The following AFF2 variants were observed in gnomAD, a reference collection of about 807,000 sequenced individuals.
The protein encoded by AFF2 is ALF transcription elongation factor 2.
Under a neutral mutation model 76.9 loss-of-function variants are expected in AFF2, and 14 were observed. That is an observed-to-expected ratio of 0.18 (90% CI 0.12 to 0.28). The LOEUF is 0.28. AFF2 is among the 10% of genes least tolerant of loss of function. AFF2 has a pLI of 1.00. For missense variants in AFF2, 868 were observed against 1,001.1 expected (o/e 0.87, Z 1.79); for synonymous variants, 398 against 366.7 (o/e 1.09, Z -0.98).
At position 148,720,988 on chromosome X, in the gene AFF2, A is replaced by C. The variant is rs141369019; in HGVS notation, c.1041+58220A>C. 5.7e-3 allele frequency among the ~76,000 whole-genome samples: 640 copies of C among 111,661 alleles called. 6 individuals carry two copies. Among genetic ancestry groups the C allele is most frequent in the African/African-American group, 0.02 (621 of 30,723 alleles). On this transcript the variant is annotated intron_variant, in intron 3 of 20. Transcript: ENST00000370460. Reference sequence around the variant, plus strand: ...AGATATGAGATATAGATATTACCTGAACTTGCACCCTGGAATATTTTCCTT... The same window carrying C: ...AGATATGAGATATAGATATTACCTGCACTTGCACCCTGGAATATTTTCCTT...
intron 15 of AFF2, among the ~76,000 whole-genome samples, chrX:148,971,731 A>AT (rs1356275911): frequency 1.6e-5 from 1 of 61,537 alleles, no homozygotes; most frequent in Non-Finnish European, 3.0e-5. Context: ...CCTAGAAAAT[A>AT]TTTTTTTTTC....
rs2124448371 is a variant in AFF2, at chrX:148,996,574, AACTC to A, written c.*5245_*5248del. ...GGACACACACAGACACACACACACA[AACTC>A]ACCCTTACACACACACTTCGATGAC... On this transcript the variant is annotated 3_prime_UTR_variant, in exon 21 of 21. Transcript: ENST00000370460. The A allele has an allele frequency of 8.9e-6, 1 of 112,169 alleles. No homozygotes were observed. Among genetic ancestry groups the A allele is most frequent in the South Asian group, 3.8e-4 (1 of 2,660 alleles). The allele number at this position is 112,169 out of a possible 1,213,427, so 9.2% of individuals were successfully genotyped here.
intron 3 of AFF2, among the ~76,000 whole-genome samples, chrX:148,688,323 T>G: frequency 9.0e-6 from 1 of 111,611 alleles, no homozygotes; most frequent in Non-Finnish European, 1.9e-5. Flanking sequence ...GCCAGCTTCT[T>G]CTAACTTACT....
intron 1 of AFF2, among the ~76,000 whole-genome samples, chrX:148,563,204 G>A (rs990625210): frequency 5.3e-5 from 6 of 112,229 alleles, no homozygotes; most frequent in African/African-American, 1.9e-4. Flanking sequence ...GGTTAGGGAT[G>A]TAGGCAAGGA....
chrX:148,987,661 T>C, intron 20 of AFF2, 104 bp downstream of exon 20: 6 of 723,715 alleles, frequency 8.3e-6, no homozygotes, highest in Non-Finnish European at 1.2e-5. Context: ...TTTCTGTCTC[T>C]CTGATTTCCA....
chrX:148,843,359 T>C (rs2070625775), intron 6 of AFF2, 23 bp from the exon 7 acceptor site: 2 of 1,173,202 alleles, frequency 1.7e-6, no homozygotes, highest in Admixed American at 2.2e-5. Context: ...TGAACAGTAA[T>C]TGTTTATATC....
At chrX:148,523,028 C>A (rs997342953) in intron 1 of AFF2, among the ~76,000 whole-genome samples, 1 of 111,842 alleles carries the variant, frequency 8.9e-6, no homozygotes, top group Non-Finnish European at 1.9e-5. Flanking sequence ...GAATTCGACT[C>A]CAGTGACTAA....
At chrX:148,705,503 G>T (rs1467495645) in intron 3 of AFF2, among the ~76,000 whole-genome samples, 3 of 111,913 alleles carry the variant, frequency 2.7e-5, no homozygotes, top group Non-Finnish European at 5.6e-5. Flanking sequence ...TGAGGACTGT[G>T]TGCCACAGTT....
chrX:148,706,263 T>C (rs1244880547), intron 3 of AFF2, among the ~76,000 whole-genome samples: 1 of 111,951 alleles, frequency 8.9e-6, no homozygotes, highest in Non-Finnish European at 1.9e-5. Flanking sequence ...GGAAACTATA[T>C]GGACATGATG....
At chrX:148,702,364 A>G (rs937260919) in intron 3 of AFF2, among the ~76,000 whole-genome samples, 4 of 112,081 alleles carry the variant, frequency 3.6e-5, no homozygotes, top group Non-Finnish European at 5.6e-5. Flanking sequence ...AACTGGGAAC[A>G]ATGTGGTGCA....
In AFF2 at chrX:148,627,333, G is replaced by A. The variant is rs148584216; in HGVS notation, c.48-24666G>A. 1.7e-3 allele frequency among the ~76,000 whole-genome samples: 189 copies of A among 112,200 alleles called. 2 individuals carry two copies. The highest frequency in any genetic ancestry group is 0.014 in the Admixed American group (153 of 10,588). ...TAGACATGTAGAAGAAACGTTTTTC[G>A]AGGTGGAGAGAATATCATGAGGTCA... On this transcript the variant is annotated intron_variant, in intron 1 of 20. Coordinates refer to ENST00000370460, the MANE Select transcript of AFF2 (RefSeq NM_002025.4).
intron 2 of AFF2, 96 bp from the exon 3 acceptor site, chrX:148,661,812 A>G: frequency 5.7e-6 from 5 of 881,024 alleles, no homozygotes; most frequent in Non-Finnish European, 7.9e-6. Flanking sequence ...ATCCCGTATG[A>G]TAGTCTACTT....
intron 9 of AFF2, among the ~76,000 whole-genome samples, chrX:148,937,559 C>T (rs1398099278): frequency 5.4e-5 from 6 of 112,049 alleles, no homozygotes; most frequent in African/African-American, 1.6e-4. Context: ...ACTGTTTTGG[C>T]TTCAAAAGGG....
intron 3 of AFF2, among the ~76,000 whole-genome samples, chrX:148,673,803 T>G (rs781801051): frequency 8.9e-6 from 1 of 112,073 alleles, no homozygotes; most frequent in Non-Finnish European, 1.9e-5. Context: ...TCCACAATGC[T>G]TCTGAGCCAA....
rs782154806 is a variant in AFF2, at chrX:148,579,424, A to G, written c.48-72575A>G. ...TTTTCTCTGAGTTCAATGCAAGGCC[A>G]AACACAATTTAGTTTGGTGAATAAC... On this transcript the variant is annotated intron_variant, in intron 1 of 20. Coordinates refer to ENST00000370460, the MANE Select transcript of AFF2 (RefSeq NM_002025.4). Among the ~76,000 whole-genome samples, 3 of 111,689 alleles carry G rather than the reference A, an allele frequency of 2.7e-5. No individual in the cohort carries two copies. The South Asian group carries it at 1.1e-3, about 42-fold the overall frequency.
chrX:148,912,808 C>T (rs1160633405), intron 9 of AFF2, among the ~76,000 whole-genome samples: 1 of 110,966 alleles, frequency 9.0e-6, no homozygotes, highest in Non-Finnish European at 1.9e-5. Flanking sequence ...TGGGGTGGGT[C>T]CCACCGAGTG....
chrX:148,595,208 G>A (rs2053561299), intron 1 of AFF2, among the ~76,000 whole-genome samples: 1 of 112,010 alleles, frequency 8.9e-6, no homozygotes, highest in Non-Finnish European at 1.9e-5. Flanking sequence ...CCAAATTATC[G>A]ATAAAGTGGG....
intron 1 of AFF2, among the ~76,000 whole-genome samples, chrX:148,519,888 T>A (rs782312673): frequency 6.2e-5 from 7 of 112,382 alleles, no homozygotes; most frequent in Non-Finnish European, 1.1e-4. Flanking sequence ...AAGGCTGTTG[T>A]GTCTAAACAT....
At chrX:148,864,198 G>A (rs1458695419) in intron 7 of AFF2, among the ~76,000 whole-genome samples, 1 of 111,903 alleles carries the variant, frequency 8.9e-6, no homozygotes, top group Non-Finnish European at 1.9e-5. Flanking sequence ...AAAGCCCAGA[G>A]TGTATTGGCT....
Sources: allele counts gnomAD v4.1 joint callset (sites outside exome capture counted in the v4.1 genomes callset), GRCh38; gene constraint gnomAD v4.1.1; transcripts MANE v1.5; gene names NCBI Gene and HGNC (gene_info 2026-07-23, HGNC 2026-07-21).